RBBP6: variants seen among roughly 807,000 people sequenced by gnomAD.
The protein encoded by RBBP6 is RB binding protein 6, ubiquitin ligase, also known as E3 ubiquitin-protein ligase RBBP6.
A neutral mutation model predicts 167.7 loss-of-function variants in RBBP6; 25 were observed. The ratio of observed to expected loss-of-function variants is 0.15; its 90% confidence interval spans 0.11 to 0.21. The LOEUF (loss-of-function observed/expected upper bound fraction) is 0.21, where lower values mean the gene tolerates loss of function less well. RBBP6 is among the 10% of genes least tolerant of loss of function. The probability of loss-of-function intolerance (pLI) is 1.00; values close to 1 mark genes in which losing one functional copy is unlikely to be tolerated. For missense variants in RBBP6, 1,868 were observed against 2,134.2 expected, an observed-to-expected ratio of 0.88 and a Z score of 2.46; for synonymous variants, 789 against 735.8, an observed-to-expected ratio of 1.07 and a Z score of -1.17.
rs201041098 is a variant in RBBP6 at position 24,563,399 on chromosome 16, G to T, written c.1387-24G>T. 3.2e-3 allele frequency: 4,277 copies of T among 1,354,262 alleles called. 104 individuals carry two copies. The African/African-American group carries it at 0.064, about 20-fold the overall frequency. The allele number at this position is 1,354,262 out of a possible 1,614,324, so 83.9% of individuals were successfully genotyped here. ...TTTTTTTTTTTTTTTAACTATTTCTGTTTATTTGTGGTTGTTTCTAAAGGG... is the reference window on the plus strand; with the variant it reads ...TTTTTTTTTTTTTTTAACTATTTCTTTTTATTTGTGGTTGTTTCTAAAGGG... On this transcript the variant is annotated intron_variant, in intron 11 of 17. Transcript: ENST00000319715.
At chr16:24,562,503 G>A (rs1899089173) in intron 10 of RBBP6, among the ~76,000 whole-genome samples, 1 of 152,114 alleles carries the variant, frequency 6.6e-6, no homozygotes, top group Non-Finnish European at 1.5e-5. Context: ...GTAGTTTTGA[G>A]TAGAACTAAG....
chr16:24,563,851 GT>G (rs1043306390), intron 13 of RBBP6, among the ~76,000 whole-genome samples, 187 bp downstream of exon 13: 8 of 150,710 alleles, frequency 5.3e-5, no homozygotes, highest in Admixed American at 2.0e-4. Flanking sequence ...TTATATGAGG[GT>G]TTTTTTTAAA....
chr16:24,555,561 T>C, intron 4 of RBBP6, 54 bp from the exon 5 acceptor site: 1 of 1,357,248 alleles, frequency 7.4e-7, no homozygotes, highest in Non-Finnish European at 1.0e-6. Context: ...TCTTTGGCTG[T>C]GTGGTCTTAA....
At chr16:24,561,800 CAT>C in intron 9 of RBBP6, 22 bp from the exon 10 acceptor site, 1 of 1,605,450 alleles carries the variant, frequency 6.2e-7, no homozygotes, top group African/African-American at 1.3e-5. Context: ...CATTTTTCTG[CAT>C]TATTATGCTT....
intron 1 of RBBP6, among the ~76,000 whole-genome samples, chr16:24,543,879 C>A (rs1398857310): frequency 6.6e-6 from 1 of 152,058 alleles, no homozygotes; most frequent in African/African-American, 2.4e-5. Context: ...TTCTGTTTTT[C>A]ATTTCATCCA....
At chr16:24,567,065 A>T in intron 14 of RBBP6, 78 bp from the exon 15 acceptor site, 1 of 1,416,902 alleles carries the variant, frequency 7.1e-7, no homozygotes, top group Non-Finnish European at 9.6e-7. Context: ...GAAAATAATT[A>T]TGGATAGAAG....
chr16:24,543,206 T>C (rs947483271), intron 1 of RBBP6, among the ~76,000 whole-genome samples: 3 of 152,132 alleles, frequency 2.0e-5, no homozygotes, highest in African/African-American at 4.8e-5. Context: ...TTCATTCTTA[T>C]AATTTTAAAA....
At chr16:24,561,511 A>C (rs780161375) in intron 8 of RBBP6, 101 bp from the exon 9 acceptor site, 5 of 964,174 alleles carry the variant, frequency 5.2e-6, no homozygotes, top group Non-Finnish European at 7.9e-6. Context: ...CTTGGAAAAC[A>C]GTAATGTAAC....
chr16:24,540,960 G>A (rs991354139), intron 1 of RBBP6, among the ~76,000 whole-genome samples, 168 bp downstream of exon 1: 1 of 152,114 alleles, frequency 6.6e-6, no homozygotes, highest in African/African-American at 2.4e-5. Flanking sequence ...TGGCCTTGGA[G>A]TTTCACTGGT....
At position 24,571,628 on chromosome 16, in the gene RBBP6, T is replaced by C. The variant is rs540850882; in HGVS notation, c.4562T>C (p.Leu1521Ser). The change falls in exon 18 of 18, where the codon TTG becomes TCG. Residue 1521 changes from leucine (L) to serine (S), a missense_variant. Around this residue, in one of 7 missense-constraint regions of RBBP6, gnomAD observed 591 missense variants for 540.5 expected, o/e 1.09. Transcript: ENST00000319715. ...AATAAACCAAGGGAAGAGAGAGATT[T>C]GCCTAAAAAAGGAACAGGAGATTCC... is the stretch of plus-strand genomic sequence containing the variant. ...QKNKPREERD[L>S]PKKGTGDSKK... 2 of 1,611,488 alleles carry C rather than the reference T, an allele frequency of 1.2e-6. No individual in the cohort carries two copies. The highest frequency in any genetic ancestry group is 4.5e-5 in the East Asian group (2 of 44,848).
intron 12 of RBBP6, 34 bp from the exon 13 acceptor site, chr16:24,563,576 G>T (rs1899122431): frequency 1.2e-6 from 2 of 1,611,392 alleles, no homozygotes; most frequent in Non-Finnish European, 1.7e-6. Context: ...GTGCAATTTT[G>T]TATTTACCTA....
chr16:24,567,576 G>C, intron 15 of RBBP6, 71 bp downstream of exon 15: 2 of 1,485,544 alleles, frequency 1.3e-6, no homozygotes, highest in Non-Finnish European at 1.8e-6. Context: ...TAGGTGTCTG[G>C]AAACGTTTTC....
At position 24,553,553 on chromosome 16, in the gene RBBP6, C is replaced by T; in HGVS notation, c.344C>T (p.Thr115Ile). The stretch of plus-strand genomic sequence containing the variant: ...GCGTCTATTTCTCTGGCCCAGCTTA[C>T]AAAGGTATATATATATATATATTCT... ...SSASISLAQL[T>I]KTANLAEANA... Residue 115 changes from threonine (T) to isoleucine (I), a missense_variant, in exon 4 of 18, where the codon ACA becomes ATA. By Grantham distance (89) the Thr-to-Ile change is moderately conservative. Transcript: ENST00000319715. The T allele has an allele frequency of 6.4e-7, 1 of 1,552,568 alleles. No individual in the cohort carries two copies. Among genetic ancestry groups the T allele is most frequent in the Non-Finnish European group, 8.6e-7 (1 of 1,157,294 alleles).
chr16:24,546,278 C>A lies in RBBP6; in HGVS notation c.266+16C>A. 6.5e-7 allele frequency: 1 copy of A among 1,531,902 alleles called. No homozygotes were observed. Among genetic ancestry groups the A allele is most frequent in the South Asian group, 1.3e-5 (1 of 78,596 alleles). The allele number at this position is 1,531,902 out of a possible 1,614,324, so 94.9% of individuals were successfully genotyped here. A position where few individuals can be genotyped will look rare whatever the true frequency, so the allele number is the denominator to read the frequency against. On this transcript the variant is annotated intron_variant, in intron 2 of 17. Coordinates refer to ENST00000319715, the MANE Select transcript of RBBP6 (RefSeq NM_006910.5). ...CATATGTTATGTAAGTATCAAATCT[C>A]ATGTATTTCTCAAAATAGACTTTTT...
rs569943805 is a variant in RBBP6, at chr16:24,554,448, C to T, written c.348+891C>T. The T allele has an allele frequency of 2.6e-5, 4 of 151,978 alleles. No homozygotes were observed. The East Asian group carries it at 7.7e-4, about 29-fold the overall frequency. The allele number at this position is 151,978 out of a possible 1,614,324, so 9.4% of individuals were successfully genotyped here. ...AGATGGGTTTTCCATTAGTGCTGTCCCTATCTTGTTCTTGGCTTTGTTATG... is the reference window on the plus strand; with the variant it reads ...AGATGGGTTTTCCATTAGTGCTGTCTCTATCTTGTTCTTGGCTTTGTTATG... On this transcript the variant is annotated intron_variant, in intron 4 of 17. Transcript: ENST00000319715.
At chr16:24,549,766 G>A (rs1043383054) in intron 3 of RBBP6, among the ~76,000 whole-genome samples, 2 of 151,958 alleles carry the variant, frequency 1.3e-5, no homozygotes, top group Non-Finnish European at 2.9e-5. Context: ...AGTTAGTGCA[G>A]ATGTCCAAAT....
intron 7 of RBBP6, among the ~76,000 whole-genome samples, chr16:24,558,858 C>G (rs72785711): frequency 1.3e-5 from 2 of 152,288 alleles, no homozygotes; most frequent in Non-Finnish European, 2.9e-5. Context: ...TCTTAATTGA[C>G]TATAAATTGA....
At chr16:24,564,651 C>G in intron 13 of RBBP6, 146 bp from the exon 14 acceptor site, 1 of 1,057,172 alleles carries the variant, frequency 9.5e-7, no homozygotes, top group Non-Finnish European at 1.3e-6. Context: ...TTACTCAGCT[C>G]TGTATCCGAA....
chr16:24,553,413 GC>G, intron 3 of RBBP6, 99 bp from the exon 4 acceptor site: 1 of 901,262 alleles, frequency 1.1e-6, no homozygotes. Context: ...CTAAGAAAAT[GC>G]CCAATATTTC....
Sources: gnomAD v4.1 joint callset for allele counts (sites outside exome capture counted in the v4.1 genomes callset) on GRCh38, gnomAD v4.1.1 for gene constraint, gnomAD v4.1.1 regional missense constraint, MANE v1.5 for transcripts, NCBI Gene and HGNC (gene_info 2026-07-23, HGNC 2026-07-21) for gene names.